LAMA2: variants seen among roughly 807,000 people sequenced by gnomAD.
The protein encoded by LAMA2 is laminin subunit alpha 2.
Under a neutral mutation model 364.8 loss-of-function variants are expected in LAMA2, and 269 were observed. That is an observed-to-expected ratio of 0.74 (90% confidence interval 0.67 to 0.82). The LOEUF (loss-of-function observed/expected upper bound fraction) is 0.82, where lower values mean the gene tolerates loss of function less well. LAMA2 is among the 40% of genes least tolerant of loss of function. The pLI, the probability that LAMA2 is intolerant of heterozygous loss-of-function variation, is 0.00. For synonymous variants in LAMA2, 1,379 were observed against 1,370.6 expected (o/e 1.01, Z -0.14); for missense variants, 3,807 against 3,873.2 (o/e 0.98, Z 0.45).
intron 4 of LAMA2, among the ~76,000 whole-genome samples, chr6:129,112,201 GA>G (rs984683411): frequency 2.0e-5 from 3 of 151,776 alleles, no homozygotes; most frequent in Admixed American, 2.0e-4. Flanking sequence ...TATGTCAAGG[GA>G]AAAAAATCCT....
At chr6:128,915,567 T>G (rs1043360617) in intron 1 of LAMA2, among the ~76,000 whole-genome samples, 1 of 152,204 alleles carries the variant, frequency 6.6e-6, no homozygotes, top group Non-Finnish European at 1.5e-5. Context: ...CTTTCTTTTC[T>G]TCTATATTTG....
At chr6:129,249,716 A>T (rs1786034642) in intron 12 of LAMA2, among the ~76,000 whole-genome samples, 1 of 152,146 alleles carries the variant, frequency 6.6e-6, no homozygotes, top group Non-Finnish European at 1.5e-5. Context: ...ACTCACAGAA[A>T]GTGAGTGACT....
intron 1 of LAMA2, among the ~76,000 whole-genome samples, chr6:128,900,403 G>T (rs945041620): frequency 1.3e-5 from 2 of 152,094 alleles, no homozygotes; most frequent in Non-Finnish European, 2.9e-5. Context: ...ACAGTGCCTG[G>T]CACCTAGCAT....
At chr6:129,491,771 C>A in intron 56 of LAMA2, 130 bp from the exon 57 acceptor site, 1 of 741,946 alleles carries the variant, frequency 1.3e-6, no homozygotes, top group South Asian at 1.5e-5. Context: ...TGTAGAATTC[C>A]TAAGCATCCA....
chr6:129,065,826 T>C (rs1326479802), intron 3 of LAMA2, among the ~76,000 whole-genome samples: 1 of 152,008 alleles, frequency 6.6e-6, no homozygotes, highest in East Asian at 1.9e-4. Flanking sequence ...TTTTCCCCCA[T>C]GCTGTTGTCG....
At chr6:129,271,524 C>T (rs1787939341) in intron 17 of LAMA2, among the ~76,000 whole-genome samples, 1 of 139,574 alleles carries the variant, frequency 7.2e-6, no homozygotes, top group African/African-American at 2.7e-5. Flanking sequence ...GGCTAGAGTG[C>T]AGTGGTGCAA....
intron 40 of LAMA2, among the ~76,000 whole-genome samples, chr6:129,422,865 C>G (rs1420210026): frequency 6.6e-6 from 1 of 151,926 alleles, no homozygotes; most frequent in African/African-American, 2.4e-5. Flanking sequence ...CAATGGCAGA[C>G]AAAGATAGTT....
At chr6:129,017,102 T>A (rs1785128423) in intron 1 of LAMA2, among the ~76,000 whole-genome samples, 1 of 151,966 alleles carries the variant, frequency 6.6e-6, no homozygotes, top group Admixed American at 6.6e-5. Context: ...TTTAAATGCA[T>A]TTTATCTCAC....
chr6:129,137,144 A>C (rs1777842070), intron 4 of LAMA2, among the ~76,000 whole-genome samples: 1 of 152,146 alleles, frequency 6.6e-6, no homozygotes, highest in Admixed American at 6.5e-5. Flanking sequence ...AAGGTTGTGC[A>C]CAGTTCTTGA....
At chr6:129,512,755 A>G (rs1391687534) in intron 63 of LAMA2, among the ~76,000 whole-genome samples, 1 of 152,282 alleles carries the variant, frequency 6.6e-6, no homozygotes, top group Admixed American at 6.5e-5. Context: ...ATAGTTTGAG[A>G]TCTCGAGTTC....
intron 3 of LAMA2, among the ~76,000 whole-genome samples, chr6:129,083,340 T>C (rs948702864): frequency 2.0e-5 from 3 of 152,160 alleles, no homozygotes; most frequent in Non-Finnish European, 4.4e-5. Flanking sequence ...CAGGGTAACA[T>C]AAGCGAGACA....
chr6:129,504,777 T>G (rs1785923667), intron 60 of LAMA2, among the ~76,000 whole-genome samples: 1 of 152,230 alleles, frequency 6.6e-6, no homozygotes, highest in Non-Finnish European at 1.5e-5. Flanking sequence ...ATGTAGCGTA[T>G]CTGAAATTGT....
rs528683876 is a variant in LAMA2, at chr6:129,162,332, A to C, written c.1207-3244A>C. On this transcript the variant is annotated intron_variant, in intron 8 of 64. Transcript: ENST00000421865. ...CATTTTTGTTTGAAGTCACAAAACT[A>C]TGAAAACAATCTTAAAGAAATGAAA... 3.9e-4 allele frequency among the ~76,000 whole-genome samples: 59 copies of C among 152,324 alleles called. 1 individual carries two copies. The highest frequency in any genetic ancestry group is 7.1e-4 in the Non-Finnish European group (48 of 68,022).
chr6:129,035,054 C>G (rs1157678196), intron 1 of LAMA2, among the ~76,000 whole-genome samples: 1 of 152,090 alleles, frequency 6.6e-6, no homozygotes, highest in Non-Finnish European at 1.5e-5. Flanking sequence ...TTTAAGAACT[C>G]TCCATATTGA....
intron 58 of LAMA2, among the ~76,000 whole-genome samples, chr6:129,494,516 A>T (rs943399863): frequency 2.6e-5 from 4 of 152,248 alleles, no homozygotes; most frequent in African/African-American, 9.6e-5. Flanking sequence ...CATTTAGTGA[A>T]TAACTACTAT....
intron 35 of LAMA2, among the ~76,000 whole-genome samples, chr6:129,385,302 G>T (rs1444778974): frequency 7.9e-6 from 1 of 126,872 alleles, no homozygotes; most frequent in East Asian, 3.1e-4. Context: ...AGGAAGAAAA[G>T]AAGAAAAGGG....
intron 1 of LAMA2, among the ~76,000 whole-genome samples, chr6:128,967,032 G>A (rs190828672): frequency 8.3e-5 from 12 of 145,002 alleles, no homozygotes; most frequent in Middle Eastern, 3.6e-3. Context: ...CAAACTTTAC[G>A]CAAATTGTTA....
chr6:129,420,647 G>A (rs950506995), intron 40 of LAMA2, among the ~76,000 whole-genome samples: 6 of 152,018 alleles, frequency 3.9e-5, no homozygotes, highest in African/African-American at 1.5e-4. Context: ...ATCTTTTACA[G>A]CCAACTCTTT....
chr6:129,052,844 A>G (rs11752846), intron 2 of LAMA2, among the ~76,000 whole-genome samples: 72,810 of 151,922 alleles, frequency 0.48, 20,645 homozygotes, highest in East Asian at 0.81. Context: ...ATTGAAAGGC[A>G]TTGTGCCTTT....
Sources: allele counts gnomAD v4.1 joint callset (sites outside exome capture counted in the v4.1 genomes callset), GRCh38; gene constraint gnomAD v4.1.1; transcripts MANE v1.5; gene names NCBI Gene and HGNC (gene_info 2026-07-23, HGNC 2026-07-21).